The following NUS1 variants were observed in gnomAD, a reference collection of about 807,000 sequenced individuals.
NUS1 encodes NUS1 dehydrodolichyl diphosphate synthase subunit.
For missense variants in NUS1, 292 were observed against 382.9 expected (o/e 0.76, Z 1.98); for synonymous variants, 135 against 155.2 (o/e 0.87, Z 0.97).
chr6:117,678,148 G>A (rs532018794), intron 1 of NUS1, among the ~76,000 whole-genome samples: 1 of 152,322 alleles, frequency 6.6e-6, no homozygotes, highest in African/African-American at 2.4e-5. Flanking sequence ...GAAGAAGTAA[G>A]CTAAGCCAAG....
In NUS1 at chr6:117,691,558, G is replaced by GATATAGATAT. The variant is rs1554201816; in HGVS notation, c.416-1479_416-1478insGATATATATA. Among the ~76,000 whole-genome samples, 5 of 136,964 alleles carry GATATAGATAT rather than the reference G, an allele frequency of 3.7e-5. No homozygotes were observed. In the South Asian group the frequency reaches 9.5e-4, roughly 26 times the overall value. The allele number at this position is 136,964 out of a possible 152,430, so 89.9% of individuals were successfully genotyped here. On this transcript the variant is annotated intron_variant, in intron 1 of 4. Coordinates refer to ENST00000368494, the MANE Select transcript of NUS1 (RefSeq NM_138459.5). ...CAGCAGGTTCTGTGCCATAGATATA[G>GATATAGATAT]ATATATATATATATATATATATATA...
rs1219786040 is a variant in NUS1 at position 117,701,042 on chromosome 6, AGTT to A, written c.692-2557_692-2555del. On this transcript the variant is annotated intron_variant, in intron 3 of 4. Transcript: ENST00000368494. Reference sequence around the variant, plus strand: ...TGAATAAGATTTTTTTTTTTTTCAAAGTTGTTGTGTCTATTCAGGGTCCTTTGC... The same window carrying A: ...TGAATAAGATTTTTTTTTTTTTCAAAGTTGTGTCTATTCAGGGTCCTTTGC... Among the ~76,000 whole-genome samples the A allele has an allele frequency of 3.3e-5, 5 of 150,322 alleles. No individual in the cohort carries two copies. In the East Asian group the frequency reaches 5.8e-4, roughly 18 times the overall value.
chr6:117,700,853 C>A (rs372914980), intron 3 of NUS1, among the ~76,000 whole-genome samples: 1 of 152,162 alleles, frequency 6.6e-6, no homozygotes, highest in African/African-American at 2.4e-5. Context: ...AAGCCTGTCA[C>A]AGAAAGACAA....
chr6:117,701,283 C>T (rs543126784), intron 3 of NUS1, among the ~76,000 whole-genome samples: 59 of 142,036 alleles, frequency 4.2e-4, no homozygotes, highest in African/African-American at 1.5e-3. Context: ...CTCGCTCTGT[C>T]GCCCAGGCTG....
At position 117,710,697 on chromosome 6, in the gene NUS1, A is replaced by T. The variant is rs1773563245; in HGVS notation, c.*3682A>T. 1 of 152,204 alleles carries T rather than the reference A, an allele frequency of 6.6e-6. No homozygotes were observed. Among genetic ancestry groups the T allele is most frequent in the Admixed American group, 6.5e-5 (1 of 15,270 alleles). The allele number at this position is 152,204 out of a possible 1,614,324, so 9.4% of individuals were successfully genotyped here. On this transcript the variant is annotated 3_prime_UTR_variant, in exon 5 of 5. Coordinates refer to ENST00000368494, the MANE Select transcript of NUS1 (RefSeq NM_138459.5). Reference sequence around the variant, plus strand: ...TTATTGTGTCTGGATATAAATTACAATAGCACATGAAAATAAAATGTTTTA... The same window carrying T: ...TTATTGTGTCTGGATATAAATTACATTAGCACATGAAAATAAAATGTTTTA...
intron 1 of NUS1, among the ~76,000 whole-genome samples, chr6:117,676,778 T>A (rs1457004901): frequency 1.3e-5 from 2 of 152,220 alleles, no homozygotes; most frequent in East Asian, 1.9e-4. Context: ...TTTTTCACAA[T>A]CTTTGCCTTT....
chr6:117,700,544 C>G (rs984781474), intron 3 of NUS1, among the ~76,000 whole-genome samples: 1 of 152,164 alleles, frequency 6.6e-6, no homozygotes, highest in Non-Finnish European at 1.5e-5. Context: ...GTAATTGGTA[C>G]AACCAGTGTG....
At chr6:117,689,275 G>A (rs1341585553) in intron 1 of NUS1, among the ~76,000 whole-genome samples, 1 of 152,112 alleles carries the variant, frequency 6.6e-6, no homozygotes, top group Non-Finnish European at 1.5e-5. Flanking sequence ...CTTTGAAGAG[G>A]GCAAGAGTTC....
At chr6:117,689,074 A>G (rs189435693) in intron 1 of NUS1, among the ~76,000 whole-genome samples, 1 of 152,212 alleles carries the variant, frequency 6.6e-6, no homozygotes, top group African/African-American at 2.4e-5. Context: ...GAAAGTGAGA[A>G]TGGGCCATTC....
At chr6:117,694,380 T>C (rs2114687667) in intron 3 of NUS1, among the ~76,000 whole-genome samples, 200 bp downstream of exon 3, 1 of 152,262 alleles carries the variant, frequency 6.6e-6, no homozygotes, top group Admixed American at 6.5e-5. Flanking sequence ...ATGAAATTTG[T>C]AGCCACTCAC....
rs1252044571 is a variant in NUS1 at position 117,710,471 on chromosome 6, A to G, written c.*3456A>G. 6.6e-6 allele frequency: 1 copy of G among 152,182 alleles called. No homozygotes were observed. Among genetic ancestry groups the G allele is most frequent in the African/African-American group, 2.4e-5 (1 of 41,478 alleles). The allele number at this position is 152,182 out of a possible 1,614,324, so 9.4% of individuals were successfully genotyped here. ...GCAAAAAGAATTTCTTAAGGTTTAA[A>G]AAATACACTTTTCATTATAGGAAAA... On this transcript the variant is annotated 3_prime_UTR_variant, in exon 5 of 5. Transcript: ENST00000368494.
chr6:117,683,211 C>T (rs550737296), intron 1 of NUS1, among the ~76,000 whole-genome samples: 12 of 152,300 alleles, frequency 7.9e-5, no homozygotes, highest in East Asian at 1.9e-4. Flanking sequence ...ATCTAGCCCT[C>T]ATTTTGTTAT....
chr6:117,675,548 T>C lies in NUS1; in HGVS notation c.-123T>C. On this transcript the variant is annotated 5_prime_UTR_variant, in exon 1 of 5. Coordinates refer to ENST00000368494, the MANE Select transcript of NUS1 (RefSeq NM_138459.5). ...GTGAGGTGTTGGCAGTGGAAAGGGG[T>C]TCGGGCTCGGGGGGCGGGGGGACGC... 1 of 1,022,364 alleles carries C rather than the reference T, an allele frequency of 9.8e-7. No individual in the cohort carries two copies. The highest frequency in any genetic ancestry group is 1.4e-6 in the Non-Finnish European group (1 of 706,440). 63.3% of individuals were successfully genotyped at this position (1,022,364 alleles called of 1,614,324 possible).
At chr6:117,694,355 A>AGACCT (rs1773286256) in intron 3 of NUS1, among the ~76,000 whole-genome samples, 175 bp downstream of exon 3, 4 of 152,064 alleles carry the variant, frequency 2.6e-5, no homozygotes, top group African/African-American at 9.7e-5. Flanking sequence ...CCTATGTAAA[A>AGACCT]ATGGTTTCGA....
intron 3 of NUS1, among the ~76,000 whole-genome samples, chr6:117,698,367 G>T (rs1326722754): frequency 6.6e-6 from 1 of 152,028 alleles, no homozygotes; most frequent in Non-Finnish European, 1.5e-5. Context: ...AAATTCAAAG[G>T]ATCATTAGTG....
At position 117,675,718 on chromosome 6, in the gene NUS1, C is replaced by T. The variant is rs112059731; in HGVS notation, c.48C>T (p.Leu16=). The change falls in exon 1 of 5, where the codon CTC becomes CTT. Residue 16 remains leucine (L), a synonymous_variant. Coordinates refer to ENST00000368494, the MANE Select transcript of NUS1 (RefSeq NM_138459.5). ...ELVWRVLHAL[L]CLHRTLTSWL... ...TGTGGCGGGTGCTGCACGCGCTGCTCTGTCTGCACCGCACGCTCACCTCCT... is the reference window on the plus strand; with the variant it reads ...TGTGGCGGGTGCTGCACGCGCTGCTTTGTCTGCACCGCACGCTCACCTCCT... The T allele has an allele frequency of 8.6e-6, 13 of 1,516,404 alleles. No individual in the cohort carries two copies. Among genetic ancestry groups the T allele is most frequent in the Admixed American group, 5.8e-5 (3 of 51,436 alleles). The allele number at this position is 1,516,404 out of a possible 1,614,324, so 93.9% of individuals were successfully genotyped here. A position where few individuals can be genotyped will look rare whatever the true frequency, so the allele number is the denominator to read the frequency against.
intron 3 of NUS1, among the ~76,000 whole-genome samples, chr6:117,700,104 C>T (rs1214400231): frequency 6.6e-6 from 1 of 151,896 alleles, no homozygotes; most frequent in African/African-American, 2.4e-5. Context: ...TGGGCCAAAC[C>T]CTACAAGCAC....
Position 117,709,488 on chromosome 6 carries a change from ATTCTGGTATATCGTGAC to A in NUS1, c.*2475_*2491del, listed in dbSNP as rs1313949307. The A allele has an allele frequency of 6.8e-6, 1 of 146,714 alleles. No homozygotes were observed. Among genetic ancestry groups the A allele is most frequent in the Non-Finnish European group, 1.5e-5 (1 of 66,710 alleles). 9.1% of individuals were successfully genotyped at this position (146,714 alleles called of 1,614,324 possible). A position where few individuals can be genotyped will look rare whatever the true frequency, so the allele number is the denominator to read the frequency against. On this transcript the variant is annotated 3_prime_UTR_variant, in exon 5 of 5. Coordinates refer to ENST00000368494, the MANE Select transcript of NUS1 (RefSeq NM_138459.5). Reference sequence around the variant, plus strand: ...AAGGTGGTTTTAATGTGAATAGCAAATTCTGGTATATCGTGACTAACGCTTAAGAATGCCTGTCTTTG... The same window carrying A: ...AAGGTGGTTTTAATGTGAATAGCAAATAACGCTTAAGAATGCCTGTCTTTG...
At chr6:117,701,300 A>G (rs2114692442) in intron 3 of NUS1, among the ~76,000 whole-genome samples, 1 of 142,692 alleles carries the variant, frequency 7.0e-6, no homozygotes, top group Middle Eastern at 3.9e-3. Context: ...GCTGGAGTGC[A>G]GTGGTGTGAT....
Sources: allele counts gnomAD v4.1 joint callset (sites outside exome capture counted in the v4.1 genomes callset), GRCh38; gene constraint gnomAD v4.1.1; transcripts MANE v1.5; gene names NCBI Gene and HGNC (gene_info 2026-07-23, HGNC 2026-07-21).